Variants in ZNF567 observed in about 807,000 individuals in gnomAD.
ZNF567 encodes zinc finger protein 567.
ZNF567 carries 36 observed loss-of-function variants against 53.9 expected under a neutral mutation model. The ratio of observed to expected loss-of-function variants is 0.67; its 90% confidence interval spans 0.51 to 0.88. The LOEUF (loss-of-function observed/expected upper bound fraction) is 0.88. ZNF567 is among the 40% of genes least tolerant of loss of function. The pLI is 0.00. For synonymous variants in ZNF567, 224 were observed against 260.4 expected (o/e 0.86, Z 1.35); for missense variants, 619 against 764.7 (o/e 0.81, Z 2.25).
chr19:36,700,010 AG>A (rs2039091046), intron 3 of ZNF567, among the ~76,000 whole-genome samples: 1 of 103,818 alleles, frequency 9.6e-6, no homozygotes, highest in Non-Finnish European at 1.9e-5. Context: ...CAGTTTTCAA[AG>A]GGAATGCTTC....
In ZNF567 at chr19:36,719,995, A is replaced by G; in HGVS notation, c.1271A>G (p.Asn424Ser). ...THTGEKPYIC[N>S]ECGKSFSQKT... ...ACAGGGGAAAAGCCCTATATTTGTA[A>G]TGAATGTGGGAAATCCTTCTCCCAG... The change falls in exon 6 of 6, where the codon AAT (asparagine) becomes AGT (serine). Residue 424 changes from asparagine (N) to serine (S), a missense_variant. Asn to Ser is a conservative substitution (Grantham distance 46). Coordinates refer to ENST00000682579, the MANE Select transcript of ZNF567 (RefSeq NM_001322917.1). 1.9e-6 allele frequency: 3 copies of G among 1,613,952 alleles called. No homozygotes were observed. The highest frequency in any genetic ancestry group is 2.5e-6 in the Non-Finnish European group (3 of 1,179,996).
the ZNF567 span, among the ~76,000 whole-genome samples, chr19:36,676,311 C>G: frequency 1.6e-4 from 25 of 151,670 alleles, no homozygotes; most frequent in Non-Finnish European, 3.4e-4. Flanking sequence ...AGTGATCTGC[C>G]CGCCTCAACC....
chr19:36,674,921 T>A, the ZNF567 span, among the ~76,000 whole-genome samples: 1 of 152,056 alleles, frequency 6.6e-6, no homozygotes, highest in African/African-American at 2.4e-5. Flanking sequence ...GCCTGGCTAA[T>A]TTTTGTATTT....
intron 3 of ZNF567, among the ~76,000 whole-genome samples, chr19:36,710,280 C>CTTT (rs35115492): frequency 1.4e-4 from 11 of 76,090 alleles, no homozygotes; most frequent in South Asian, 5.1e-4. Context: ...ACTTTGAAGC[C>CTTT]TTTTTTTTTT....
intron 3 of ZNF567, among the ~76,000 whole-genome samples, chr19:36,698,050 A>G (rs3108180): frequency 0.3 from 45,064 of 150,720 alleles, 6,755 homozygotes; most frequent in African/African-American, 0.33. Context: ...CATTAGGTAT[A>G]TCTCCTAATG....
At chr19:36,694,973 C>G in intron 3 of ZNF567, 97 bp downstream of exon 3, 1 of 1,323,112 alleles carries the variant, frequency 7.6e-7, no homozygotes, top group Non-Finnish European at 1.0e-6. Context: ...CATCCTCCTA[C>G]CTATCTTTCC....
chr19:36,721,845 A>G (rs1257057498), downstream of ZNF567, among the ~76,000 whole-genome samples: 2 of 149,772 alleles, frequency 1.3e-5, no homozygotes, highest in African/African-American at 4.9e-5. Flanking sequence ...CCTGGGTTCA[A>G]GTGCTTCTCC....
the ZNF567 span, among the ~76,000 whole-genome samples, chr19:36,680,082 T>C: frequency 2.0e-5 from 3 of 152,190 alleles, no homozygotes; most frequent in Admixed American, 2.0e-4. Context: ...AAATATCACA[T>C]TGTACCATAT....
intron 5 of ZNF567, among the ~76,000 whole-genome samples, chr19:36,715,496 TAATAATAATA>T (rs2040005548): frequency 6.3e-5 from 3 of 47,430 alleles, no homozygotes; most frequent in Non-Finnish European, 1.2e-4. Context: ...ATAATAATAA[TAATAATAATA>T]ATAATTATTA....
chr19:36,720,583 A>G lies in ZNF567; in HGVS notation c.1859A>G (p.Asn620Ser). The G allele has an allele frequency of 6.2e-7, 1 of 1,612,756 alleles. No homozygotes were observed. The highest frequency in any genetic ancestry group is 8.5e-7 in the Non-Finnish European group (1 of 1,179,454). Residue 620 changes from asparagine to serine, a missense_variant, in exon 6 of 6, where the codon AAT (asparagine) becomes AGT (serine). Asn to Ser is a conservative substitution (Grantham distance 46). Transcript: ENST00000682579. ...THTGEKPYVC[N>S]ECGKSFSYKR... is the part of the protein sequence containing the mutation. ...ACAGGTGAGAAACCCTATGTTTGTAATGAGTGTGGTAAGTCTTTCAGTTAT... is the reference window on the plus strand; with the variant it reads ...ACAGGTGAGAAACCCTATGTTTGTAGTGAGTGTGGTAAGTCTTTCAGTTAT...
chr19:36,725,807 C>A (rs555282744), downstream of ZNF567, among the ~76,000 whole-genome samples: 1 of 152,242 alleles, frequency 6.6e-6, no homozygotes, highest in Non-Finnish European at 1.5e-5. Flanking sequence ...CACCAAGAGG[C>A]CTGGCTAACT....
chr19:36,713,548 T>G (rs2145848767), intron 5 of ZNF567, among the ~76,000 whole-genome samples: 1 of 152,106 alleles, frequency 6.6e-6, no homozygotes, highest in Admixed American at 6.5e-5. Context: ...GATTCAAGGT[T>G]ACAGTGAGCT....
intron 5 of ZNF567, among the ~76,000 whole-genome samples, chr19:36,715,503 AATAATAATTATTATTATTATT>A (rs71171465): frequency 0.052 from 1,594 of 30,684 alleles, 19 homozygotes; most frequent in Middle Eastern, 0.14. Context: ...TAATAATAAT[AATAATAATTATTATTATTATT>A]ATTATTATTA....
chr19:36,668,677 C>T, the ZNF567 span: 1 of 152,224 alleles, frequency 6.6e-6, no homozygotes, highest in Non-Finnish European at 1.5e-5. Flanking sequence ...GAAGCTGGCA[C>T]ATGTTATCTG....
chr19:36,714,160 T>A (rs2039927264), intron 5 of ZNF567, among the ~76,000 whole-genome samples: 1 of 152,076 alleles, frequency 6.6e-6, no homozygotes, highest in South Asian at 2.1e-4. Flanking sequence ...ACTTATTGGT[T>A]GTTTTTTGTT....
At chr19:36,687,715 G>C (rs1317004371) in intron 1 of ZNF567, 81 bp downstream of exon 1, 1 of 152,964 alleles carries the variant, frequency 6.5e-6, no homozygotes, top group Non-Finnish European at 1.5e-5. Flanking sequence ...GGAGGCGGGA[G>C]CCTGGGCTGG....
the ZNF567 span, among the ~76,000 whole-genome samples, chr19:36,667,689 G>T: frequency 1.5e-5 from 2 of 137,600 alleles, no homozygotes; most frequent in African/African-American, 2.7e-5. Flanking sequence ...TCTCGCTGTC[G>T]CCCAGGCTGG....
At position 36,719,188 on chromosome 19, in the gene ZNF567, CAAGA is replaced by C; in HGVS notation, c.469_472del (p.Lys157AspfsTer13). 6.2e-7 allele frequency: 1 copy of C among 1,613,308 alleles called. No individual in the cohort carries two copies. Among genetic ancestry groups the C allele is most frequent in the Non-Finnish European group, 8.5e-7 (1 of 1,179,832 alleles). ...TTAATCATCAGTAATCTAAATCCTG[CAAGA>C]AAGAGACTTAGTGAGTATAATGGAT... On this transcript the variant is annotated frameshift_variant, in exon 6 of 6. Coordinates refer to ENST00000682579, the MANE Select transcript of ZNF567 (RefSeq NM_001322917.1). LOFTEE classifies it high-confidence loss of function.
At position 36,721,324 on chromosome 19, in the gene ZNF567, A is replaced by C. The variant is rs1243556661; in HGVS notation, c.*656A>C. 6.6e-6 allele frequency: 1 copy of C among 152,128 alleles called. No homozygotes were observed. The highest frequency in any genetic ancestry group is 1.5e-5 in the Non-Finnish European group (1 of 68,028). 9.4% of individuals were successfully genotyped at this position (152,128 alleles called of 1,614,324 possible). On this transcript the variant is annotated 3_prime_UTR_variant, in exon 6 of 6. Transcript: ENST00000682579. ...TGTAATAATAAAAATACTGCTGTAA[A>C]TATTCTTGTTTATATCATGTGTGTG...
Sources: gnomAD v4.1 joint callset for allele counts (sites outside exome capture counted in the v4.1 genomes callset) on GRCh38, gnomAD v4.1.1 for gene constraint, MANE v1.5 for transcripts, NCBI Gene and HGNC (gene_info 2026-07-23, HGNC 2026-07-21) for gene names.